Variants in ESYT1 observed in about 807,000 individuals in gnomAD.
The protein encoded by ESYT1 is extended synaptotagmin 1.
Under a neutral mutation model 154.2 loss-of-function variants are expected in ESYT1, and 116 were observed. The observed-to-expected ratio is 0.75, with a 90% CI of 0.65 to 0.88. The LOEUF is 0.88. Among genes scored for constraint, ESYT1 ranks in the 40% least tolerant of loss-of-function variants. ESYT1 has a pLI of 0.00. For synonymous variants in ESYT1, 500 were observed against 539.9 expected (o/e 0.93, Z 1.02); for missense variants, 1,264 against 1,379.3 (o/e 0.92, Z 1.32).
At position 56,142,276 on chromosome 12, in the gene ESYT1, G is replaced by A. The variant is rs1592250524; in HGVS notation, c.2593-9G>A. The A allele has an allele frequency of 6.2e-7, 1 of 1,613,498 alleles. No individual in the cohort carries two copies. ...TTCGCCTCTTGATCATGGTCCTGTT[G>A]CCCCACAGGTTCGGGGTGAGGGCAC... is the stretch of plus-strand genomic sequence containing the variant. On this transcript the variant is annotated splice_polypyrimidine_tract_variant and intron_variant, in intron 24 of 30. Transcript: ENST00000394048. The surrounding 1 kb of genome is among the most constrained non-coding windows in gnomAD (Gnocchi z 4.1).
At chr12:56,137,175 C>T (rs767428773) in intron 16 of ESYT1, 43 bp from the exon 17 acceptor site, 14 of 1,609,758 alleles carry the variant, frequency 8.7e-6, no homozygotes, top group Admixed American at 3.3e-5. Flanking sequence ...CTGCTGGTGA[C>T]GAGCTGCACT....
Position 56,134,173 on chromosome 12 carries a change from G to A in ESYT1, c.1537G>A (p.Glu513Lys). The change falls in exon 14 of 31, where the codon GAG becomes AAG. Residue 513 changes from glutamate to lysine, a missense_variant. By Grantham distance (56) the Glu-to-Lys change is moderately conservative. Transcript: ENST00000394048. ...VQLSIQDVTQ[E>K]SKAVYSTNCP... ...ACTGTCAATTCAGGATGTGACTCAGGAGAGCAAGGTGAGGGCCAGGACATC... is the reference window on the plus strand; with the variant it reads ...ACTGTCAATTCAGGATGTGACTCAGAAGAGCAAGGTGAGGGCCAGGACATC... 2 of 1,614,156 alleles carry A rather than the reference G, an allele frequency of 1.2e-6. No homozygotes were observed. Among genetic ancestry groups the A allele is most frequent in the South Asian group, 1.1e-5 (1 of 91,078 alleles).
At chr12:56,140,315 T>C (rs573157955) in intron 24 of ESYT1, among the ~76,000 whole-genome samples, 5 of 152,126 alleles carry the variant, frequency 3.3e-5, no homozygotes, top group Non-Finnish European at 7.3e-5. Context: ...TGTTGAATAG[T>C]ATGCTAGAAA....
At chr12:56,131,151 T>C (rs770559656) in intron 4 of ESYT1, 38 bp downstream of exon 4, 3 of 1,613,400 alleles carry the variant, frequency 1.9e-6, no homozygotes, top group Non-Finnish European at 1.7e-6. Context: ...TCCCCTTCAA[T>C]GTGTCCTGTT....
chr12:56,138,558 T>G (rs1280227383), intron 22 of ESYT1, 59 bp downstream of exon 22: 29 of 1,481,534 alleles, frequency 2.0e-5, no homozygotes, highest in Non-Finnish European at 2.7e-5. Flanking sequence ...CTTCCTCCGG[T>G]TTGGATGGTC....
At position 56,142,122 on chromosome 12, in the gene ESYT1, A is replaced by AAGGG. The variant is rs1870724464; in HGVS notation, c.2593-163_2593-162insAGGG. Among the ~76,000 whole-genome samples the AAGGG allele has an allele frequency of 6.6e-6, 1 of 151,380 alleles. No individual in the cohort carries two copies. The highest frequency in any genetic ancestry group is 1.5e-5 in the Non-Finnish European group (1 of 67,848). ...CAAAAAAAAAAAAAAGGAAGGAAGG[A>AAGGG]CAGAGGGAGGGACTAGCAACTGTTA... On this transcript the variant is annotated intron_variant, in intron 24 of 30. Coordinates refer to ENST00000394048, the MANE Select transcript of ESYT1 (RefSeq NM_015292.3). The surrounding 1 kb of genome is among the most constrained non-coding windows in gnomAD (Gnocchi z 4.1).
Position 56,134,186 on chromosome 12 carries a change from GGGCCAGGACATCATTGTGGGT to G in ESYT1, c.1545+13_1545+33del. 1 of 1,614,024 alleles carries G rather than the reference GGGCCAGGACATCATTGTGGGT, an allele frequency of 6.2e-7. No homozygotes were observed. Among genetic ancestry groups the G allele is most frequent in the Non-Finnish European group, 8.5e-7 (1 of 1,179,886 alleles). ...GATGTGACTCAGGAGAGCAAGGTGA[GGGCCAGGACATCATTGTGGGT>G]GGCCAGGTAGGACAGGGAGAGGCCT... On this transcript the variant is annotated splice_donor_region_variant and intron_variant, in intron 14 of 30. Transcript: ENST00000394048.
intron 7 of ESYT1, 63 bp from the exon 8 acceptor site, chr12:56,132,146 G>C: frequency 6.2e-7 from 1 of 1,612,792 alleles, no homozygotes; most frequent in South Asian, 1.1e-5. Flanking sequence ...GGGAAACATA[G>C]TTGGGGTTAG....
Position 56,143,008 on chromosome 12 carries a change from CT to C in ESYT1, c.2988-8del. On this transcript the variant is annotated splice_polypyrimidine_tract_variant and splice_region_variant and intron_variant, in intron 27 of 30. Coordinates refer to ENST00000394048, the MANE Select transcript of ESYT1 (RefSeq NM_015292.3). ...AGGTTACCATATCACCTACATCCTC[CT>C]GTTGTAGGTCCCTTCGACAGAATGG... is the stretch of plus-strand genomic sequence containing the variant. The C allele has an allele frequency of 6.2e-6, 10 of 1,614,194 alleles. No homozygotes were observed. Among genetic ancestry groups the C allele is most frequent in the Non-Finnish European group, 8.5e-6 (10 of 1,180,030 alleles).
At chr12:56,140,119 C>A (rs963382235) in intron 24 of ESYT1, among the ~76,000 whole-genome samples, 1 of 152,070 alleles carries the variant, frequency 6.6e-6, no homozygotes, top group Non-Finnish European at 1.5e-5. Flanking sequence ...CTGCCCGCCT[C>A]GGCATCCCAA....
rs1323380304 is a variant in ESYT1, at chr12:56,128,399, C to A, written c.80C>A (p.Pro27His). ...PSAPSDPTDQ[P>H]PAAHAKPDPG... ...GCTCCCTCCGACCCCACTGACCAGC[C>A]CCCCGCTGCTCACGCAAAGCCAGAC... The change falls in exon 1 of 31, where the codon CCC becomes CAC. Residue 27 changes from proline to histidine, a missense_variant. Pro to His is a moderately conservative substitution (Grantham distance 77). Coordinates refer to ENST00000394048, the MANE Select transcript of ESYT1 (RefSeq NM_015292.3). The A allele has an allele frequency of 8.7e-6, 14 of 1,611,744 alleles. No homozygotes were observed. The South Asian group carries it at 1.3e-4, about 15-fold the overall frequency.
At chr12:56,143,760 G>A (rs952357940) in intron 30 of ESYT1, 63 bp from the exon 31 acceptor site, 7 of 1,611,910 alleles carry the variant, frequency 4.3e-6, no homozygotes, top group South Asian at 1.1e-5. Context: ...CCCTTGGATC[G>A]TGTCTCATTT....
intron 24 of ESYT1, among the ~76,000 whole-genome samples, chr12:56,140,871 A>C (rs999418609): frequency 2.6e-5 from 4 of 152,160 alleles, no homozygotes; most frequent in African/African-American, 7.2e-5. Context: ...GGAGCAAGGA[A>C]CAGCCTAGAC....
In ESYT1 at chr12:56,133,768, C is replaced by T. The variant is rs200613142; in HGVS notation, c.1381-13C>T. 3.7e-6 allele frequency: 6 copies of T among 1,613,780 alleles called. No homozygotes were observed. In the East Asian group the frequency reaches 1.3e-4, roughly 36 times the overall value. ...ACGGGGACCAAGATCTGACTACTAC[C>T]ACCCCTCCCCAGGTTCTACAGTGGA... On this transcript the variant is annotated splice_polypyrimidine_tract_variant and intron_variant, in intron 12 of 30. Coordinates refer to ENST00000394048, the MANE Select transcript of ESYT1 (RefSeq NM_015292.3).
At chr12:56,139,265 C>CGG (rs1401977728) in intron 24 of ESYT1, among the ~76,000 whole-genome samples, 1 of 151,964 alleles carries the variant, frequency 6.6e-6, no homozygotes, top group African/African-American at 2.4e-5. Context: ...CCCGCCACCA[C>CGG]ACCTGGCTAA....
In ESYT1 at chr12:56,132,588, G is replaced by A. The variant is rs370700049; in HGVS notation, c.1152G>A (p.Glu384=). 2.1e-5 allele frequency: 34 copies of A among 1,614,204 alleles called. No individual in the cohort carries two copies. In the African/African-American group the frequency reaches 3.6e-4, roughly 17 times the overall value. The part of the protein sequence containing the change: ...IDEELNPQWG[E]TYEVMVHEVP... The stretch of plus-strand genomic sequence containing the variant: ...AAGAACTCAACCCACAGTGGGGAGA[G>A]ACTTATGAGGTGGGAGAGTTGAGCA... Residue 384 remains glutamate (E), a synonymous_variant, in exon 9 of 31, where the codon GAG becomes GAA. Coordinates refer to ENST00000394048, the MANE Select transcript of ESYT1 (RefSeq NM_015292.3).
At chr12:56,133,491 G>C (rs1182269704) in intron 11 of ESYT1, 26 bp downstream of exon 11, 1 of 1,614,198 alleles carries the variant, frequency 6.2e-7, no homozygotes, top group Admixed American at 1.7e-5. Context: ...AGGAAGGTGG[G>C]GGCTGATCTC....
chr12:56,142,968 T>C lies in ESYT1; in HGVS notation c.2987+35T>C. The C allele has an allele frequency of 6.2e-7, 1 of 1,614,090 alleles. No individual in the cohort carries two copies. The highest frequency in any genetic ancestry group is 8.5e-7 in the Non-Finnish European group (1 of 1,180,006). On this transcript the variant is annotated intron_variant, in intron 27 of 30. Coordinates refer to ENST00000394048, the MANE Select transcript of ESYT1 (RefSeq NM_015292.3). The surrounding 1 kb of genome is among the most constrained non-coding windows in gnomAD (Gnocchi z 4.1). The stretch of plus-strand genomic sequence containing the variant: ...CATCCCTCCTGTCCTCCAGATCGCC[T>C]CCATCCCTTCCCTCAGGTTACCATA...
intron 7 of ESYT1, 46 bp from the exon 8 acceptor site, chr12:56,132,163 A>ATTGGAAG: frequency 6.2e-7 from 1 of 1,613,580 alleles, no homozygotes; most frequent in Admixed American, 1.7e-5. Flanking sequence ...TTAGGAGAAA[A>ATTGGAAG]TTGGAAGTTG....
Sources: gnomAD v4.1 joint callset for allele counts (sites outside exome capture counted in the v4.1 genomes callset) on GRCh38, gnomAD v4.1.1 for gene constraint, Gnocchi (gnomAD v3.1) non-coding constraint, MANE v1.5 for transcripts, NCBI Gene and HGNC (gene_info 2026-07-23, HGNC 2026-07-21) for gene names.